The following NAV3 variants were observed in gnomAD, a reference collection of about 807,000 sequenced individuals.
NAV3 encodes neuron navigator 3.
In NAV3, 87 loss-of-function variants were observed where a neutral mutation model predicts 244.7. That is an observed-to-expected ratio of 0.36 (90% CI 0.30 to 0.42). The LOEUF is 0.42. Ranked by LOEUF, NAV3 falls within the 20% of genes least tolerant of loss-of-function variation. The pLI, the probability that NAV3 is intolerant of heterozygous loss-of-function variation, is 1.00. For missense variants in NAV3, 2,663 were observed against 2,893.3 expected (o/e 0.92, Z 1.83); for synonymous variants, 1,126 against 1,042.2 (o/e 1.08, Z -1.55).
At position 77,604,040 on chromosome 12, in the gene NAV3, T is replaced by C. The variant is rs986262403; in HGVS notation, c.72+31774T>C. Among the ~76,000 whole-genome samples the C allele has an allele frequency of 7.9e-5, 12 of 152,190 alleles. No homozygotes were observed. In the East Asian group the frequency reaches 2.3e-3, roughly 29 times the overall value. On this transcript the variant is annotated intron_variant, in intron 2 of 8. Transcript: ENST00000550042. Reference sequence around the variant, plus strand: ...TTTTATTTCTGAATCAGAAAGCTGATGTATCAACTGAGAATAATGTGATCA... The same window carrying C: ...TTTTATTTCTGAATCAGAAAGCTGACGTATCAACTGAGAATAATGTGATCA...
intron 1 of NAV3, among the ~76,000 whole-genome samples, chr12:77,920,406 G>A (rs1813617067): frequency 1.3e-5 from 2 of 151,654 alleles, no homozygotes; most frequent in Admixed American, 1.3e-4. Context: ...TGGACATGAA[G>A]AAAATGGAAA....
chr12:77,741,707 T>G (rs1042993050), intron 2 of NAV3, among the ~76,000 whole-genome samples: 5 of 152,190 alleles, frequency 3.3e-5, no homozygotes, highest in African/African-American at 1.2e-4. Flanking sequence ...ACAATTATTG[T>G]TTGTCCAGTT....
chr12:78,166,168 T>C (rs1038149560), intron 23 of NAV3, among the ~76,000 whole-genome samples: 1 of 151,874 alleles, frequency 6.6e-6, no homozygotes, highest in African/African-American at 2.4e-5. Context: ...TTTCACTTTT[T>C]TTCTGACAGG....
intron 2 of NAV3, among the ~76,000 whole-genome samples, chr12:77,609,857 C>G (rs1159853519): frequency 1.3e-5 from 2 of 151,998 alleles, no homozygotes; most frequent in African/African-American, 2.4e-5. Flanking sequence ...CCTTTCTTAT[C>G]ATATTATCAC....
chr12:78,148,834 G>C lies in NAV3; in HGVS notation c.4708-8G>C, dbSNP rs775821087. 1 of 1,608,270 alleles carries C rather than the reference G, an allele frequency of 6.2e-7. No homozygotes were observed. The highest frequency in any genetic ancestry group is 8.5e-7 in the Non-Finnish European group (1 of 1,177,268). On this transcript the variant is annotated splice_polypyrimidine_tract_variant and splice_region_variant and intron_variant, in intron 21 of 39. Transcript: ENST00000397909. ...GCCTATTCCATTGATTTTTTTAATT[G>C]CATTCAGCAAATCCATAAACTGCGG...
chr12:78,060,768 C>A (rs533483695), intron 12 of NAV3, among the ~76,000 whole-genome samples: 1 of 152,132 alleles, frequency 6.6e-6, no homozygotes, highest in Admixed American at 6.5e-5. Flanking sequence ...GAAAGAATCC[C>A]AAAGTGTGGG....
At chr12:77,630,699 G>T (rs1407828985) in intron 2 of NAV3, among the ~76,000 whole-genome samples, 1 of 152,084 alleles carries the variant, frequency 6.6e-6, no homozygotes, top group Non-Finnish European at 1.5e-5. Flanking sequence ...TATATTTAAG[G>T]CTTTAGGCTC....
At chr12:77,582,685 G>A (rs1592472880) in intron 2 of NAV3, among the ~76,000 whole-genome samples, 1 of 152,118 alleles carries the variant, frequency 6.6e-6, no homozygotes, top group East Asian at 1.9e-4. Context: ...TTGGCTCCCT[G>A]GTCTCTTAGT....
intron 12 of NAV3, 146 bp from the exon 13 acceptor site, chr12:78,116,626 C>T: frequency 2.3e-6 from 2 of 872,292 alleles, no homozygotes; most frequent in South Asian, 5.1e-5. Flanking sequence ...ATATGATTTT[C>T]CCAAAATGTG....
intron 20 of NAV3, among the ~76,000 whole-genome samples, chr12:78,144,748 T>C (rs1956781626): frequency 6.6e-6 from 1 of 150,868 alleles, no homozygotes; most frequent in East Asian, 1.9e-4. Flanking sequence ...ATGAATTATT[T>C]ATTGATTCTT....
intron 19 of NAV3, among the ~76,000 whole-genome samples, chr12:78,137,735 GA>G (rs1184336595): frequency 8.5e-5 from 13 of 152,216 alleles, no homozygotes; most frequent in African/African-American, 3.1e-4. Context: ...ATTATTTTAT[GA>G]AAATACCACA....
Position 77,714,781 on chromosome 12 carries a change from T to TAA in NAV3, c.72+142516_72+142517insAA, listed in dbSNP as rs1876286441. Among the ~76,000 whole-genome samples the TAA allele has an allele frequency of 3.3e-5, 5 of 152,248 alleles. No homozygotes were observed. The South Asian group carries it at 6.2e-4, about 19-fold the overall frequency. ...GCAAAGACATTTAATCTATTCCTTTTATACAGTATCTCTAACAATTTGGGA... is the reference window on the plus strand; with the variant it reads ...GCAAAGACATTTAATCTATTCCTTTTAAATACAGTATCTCTAACAATTTGGGA... On this transcript the variant is annotated intron_variant, in intron 2 of 8. Transcript: ENST00000550042.
chr12:77,901,516 C>T (rs1885289314), intron 1 of NAV3, among the ~76,000 whole-genome samples: 1 of 151,954 alleles, frequency 6.6e-6, no homozygotes, highest in African/African-American at 2.4e-5. Context: ...TTGAGACCAG[C>T]CTGGCCAACA....
At chr12:77,895,775 A>T (rs1884538380) in intron 1 of NAV3, among the ~76,000 whole-genome samples, 1 of 142,868 alleles carries the variant, frequency 7.0e-6, no homozygotes, top group South Asian at 2.2e-4. Context: ...GGAAACATTT[A>T]CCCAAATGTT....
intron 2 of NAV3, among the ~76,000 whole-genome samples, chr12:77,697,561 A>T (rs770531): frequency 1.3e-5 from 2 of 152,102 alleles, no homozygotes; most frequent in African/African-American, 4.8e-5. Context: ...ATATCTTTTT[A>T]ATTTTACATT....
chr12:77,650,036 A>C (rs1292995353), intron 2 of NAV3, among the ~76,000 whole-genome samples: 1 of 152,022 alleles, frequency 6.6e-6, no homozygotes, highest in East Asian at 1.9e-4. Flanking sequence ...TTTTTGTCTT[A>C]AGTTTGCCTT....
At chr12:78,038,652 T>G (rs1880327910) in intron 9 of NAV3, among the ~76,000 whole-genome samples, 1 of 152,198 alleles carries the variant, frequency 6.6e-6, no homozygotes, top group Admixed American at 6.5e-5. Flanking sequence ...TTTTGCACCA[T>G]TGTGTGATTT....
intron 3 of NAV3, among the ~76,000 whole-genome samples, chr12:77,958,714 A>G (rs1238386669): frequency 6.6e-6 from 1 of 152,124 alleles, no homozygotes; most frequent in Non-Finnish European, 1.5e-5. Flanking sequence ...CACAGCCAAC[A>G]TTTTTATAGT....
At chr12:77,922,827 C>G (rs1055876266) in intron 1 of NAV3, among the ~76,000 whole-genome samples, 5 of 152,028 alleles carry the variant, frequency 3.3e-5, no homozygotes, top group African/African-American at 4.8e-5. Context: ...GCTTTGAAAT[C>G]AATTTTAATT....
Sources: allele counts gnomAD v4.1 joint callset (sites outside exome capture counted in the v4.1 genomes callset), GRCh38; gene constraint gnomAD v4.1.1; transcripts MANE v1.5; gene names NCBI Gene and HGNC (gene_info 2026-07-23, HGNC 2026-07-21).